Variants in POU2AF3 observed in about 807,000 individuals in gnomAD.
POU2AF3 encodes cancer susceptibility candidate 13.
chr11:111,308,596 C>A, the POU2AF3 span: 1 of 715,768 alleles, frequency 1.4e-6, no homozygotes. Context: ...ATATGAAGTC[C>A]TCAGACCCGG....
chr11:111,303,793 T>C, the POU2AF3 span, among the ~76,000 whole-genome samples: 1 of 151,966 alleles, frequency 6.6e-6, no homozygotes, highest in African/African-American at 2.4e-5. Context: ...GGAGTGAGTA[T>C]GCCCTGTAAC....
the POU2AF3 span, among the ~76,000 whole-genome samples, chr11:111,304,499 G>T: frequency 1.3e-5 from 2 of 152,070 alleles, no homozygotes; most frequent in Admixed American, 6.5e-5. Flanking sequence ...CCCCAAGCAA[G>T]CAAACATAAA....
chr11:111,300,617 GA>G, the POU2AF3 span: 4 of 1,230,130 alleles, frequency 3.3e-6, no homozygotes, highest in Non-Finnish European at 3.0e-6. Flanking sequence ...GCCTCCGGGG[GA>G]ACCGTAAGCA....
the POU2AF3 span, among the ~76,000 whole-genome samples, chr11:111,301,189 C>G: frequency 1.3e-5 from 2 of 152,182 alleles, no homozygotes; most frequent in African/African-American, 4.8e-5. Flanking sequence ...TAAAATGTAT[C>G]AACACCTTAA....
At chr11:111,300,301 T>C in the POU2AF3 span, 2 of 326,068 alleles carry the variant, frequency 6.1e-6, no homozygotes, top group East Asian at 9.5e-5. Flanking sequence ...GCCCCACAAA[T>C]TTCCACGGAT....
At chr11:111,299,663 C>T in the POU2AF3 span, 27 of 1,230,260 alleles carry the variant, frequency 2.2e-5, no homozygotes, top group Non-Finnish European at 2.6e-5. Context: ...GCTCGCGCTG[C>T]GCGGACTCGC....
chr11:111,308,551 T>C, the POU2AF3 span: 1 of 1,155,104 alleles, frequency 8.7e-7, no homozygotes, highest in Non-Finnish European at 1.2e-6. Context: ...ACAGTTTACA[T>C]GTCACTATTT....
chr11:111,304,139 ATT>A, the POU2AF3 span, among the ~76,000 whole-genome samples: 18 of 152,198 alleles, frequency 1.2e-4, no homozygotes, highest in African/African-American at 4.3e-4. Context: ...TTAAGAAAAT[ATT>A]TTCTATTTTA....
At chr11:111,299,123 G>A in the POU2AF3 span, 27 of 962,220 alleles carry the variant, frequency 2.8e-5, no homozygotes, top group Non-Finnish European at 3.2e-5. Context: ...GATTCCCTGG[G>A]TCCGGGCTAG....
chr11:111,308,141 C>T, the POU2AF3 span: 3 of 1,551,288 alleles, frequency 1.9e-6, no homozygotes, highest in Non-Finnish European at 2.6e-6. Context: ...AGTGCAGCTG[C>T]CTTCATATGC....
chr11:111,298,826 G>GCCGGGC, the POU2AF3 span: 43 of 790,950 alleles, frequency 5.4e-5, no homozygotes, highest in Non-Finnish European at 7.1e-5. Flanking sequence ...CGTACCCCAG[G>GCCGGGC]CCCCCGCCCG....
the POU2AF3 span, chr11:111,308,309 G>A: frequency 5.2e-6 from 8 of 1,551,594 alleles, no homozygotes; most frequent in African/African-American, 5.5e-5. Flanking sequence ...TGAGGCAGAG[G>A]ACTTGGATGC....
At chr11:111,298,826 G>GGGGGGGGGGGCGC in the POU2AF3 span, 2 of 790,960 alleles carry the variant, frequency 2.5e-6, no homozygotes, top group Non-Finnish European at 3.4e-6. Flanking sequence ...CGTACCCCAG[G>GGGGGGGGGGGCGC]CCCCCGCCCG....
the POU2AF3 span, among the ~76,000 whole-genome samples, chr11:111,305,988 G>A: frequency 6.6e-6 from 1 of 152,218 alleles, no homozygotes; most frequent in Admixed American, 6.5e-5. Context: ...ATTTCCCGTA[G>A]CATCAGAAGT....
the POU2AF3 span, chr11:111,300,480 G>A: frequency 2.8e-5 from 28 of 999,594 alleles, no homozygotes; most frequent in Non-Finnish European, 3.6e-5. Flanking sequence ...CTGCACCCTG[G>A]CACCCAGACC....
the POU2AF3 span, among the ~76,000 whole-genome samples, chr11:111,301,928 G>A: frequency 3.9e-5 from 6 of 152,278 alleles, no homozygotes; most frequent in African/African-American, 7.2e-5. Flanking sequence ...GTTCAGATGC[G>A]AGCCAGCTGC....
chr11:111,299,538 C>G, the POU2AF3 span: 12 of 1,190,302 alleles, frequency 1.0e-5, no homozygotes, highest in Non-Finnish European at 1.2e-5. Context: ...CGCCCGCCAC[C>G]TCCCGCGAGC....
At chr11:111,298,826 G>GCGGGGGGGCCCC in the POU2AF3 span, 22 of 790,952 alleles carry the variant, frequency 2.8e-5, no homozygotes, top group Middle Eastern at 4.3e-4. Flanking sequence ...CGTACCCCAG[G>GCGGGGGGGCCCC]CCCCCGCCCG....
At chr11:111,300,601 C>G in the POU2AF3 span, 3 of 1,231,968 alleles carry the variant, frequency 2.4e-6, no homozygotes, top group African/African-American at 4.6e-5. Context: ...ACGGGCACAC[C>G]AGGCGGCCTC....
Sources: allele counts gnomAD v4.1 joint callset (sites outside exome capture counted in the v4.1 genomes callset), GRCh38; gene constraint gnomAD v4.1.1; transcripts MANE v1.5; gene names NCBI Gene and HGNC (gene_info 2026-07-23, HGNC 2026-07-21).